The following PPARGC1A variants were observed in gnomAD, a reference collection of about 807,000 sequenced individuals.
PPARGC1A encodes PPARG coactivator 1 alpha.
Under a neutral mutation model 88.7 loss-of-function variants are expected in PPARGC1A, and 25 were observed. The observed-to-expected ratio is 0.28, with a 90% confidence interval of 0.21 to 0.39. PPARGC1A has a LOEUF of 0.39. PPARGC1A is among the 10% of genes least tolerant of loss of function. PPARGC1A has a pLI of 1.00. For missense variants in PPARGC1A, 880 were observed against 968.7 expected (o/e 0.91, Z 1.22); for synonymous variants, 363 against 355.6 (o/e 1.02, Z -0.24).
the PPARGC1A span, among the ~76,000 whole-genome samples, chr4:24,140,817 A>G: frequency 6.6e-6 from 1 of 152,092 alleles, no homozygotes; most frequent in African/African-American, 2.4e-5. Context: ...CTCAGAAACA[A>G]TCGAGAGACA....
the PPARGC1A span, among the ~76,000 whole-genome samples, chr4:24,093,874 G>A: frequency 6.6e-6 from 1 of 152,180 alleles, no homozygotes; most frequent in South Asian, 2.1e-4. Context: ...GTGTGTAAAG[G>A]GGAAGTATGC....
chr4:24,470,830 C>T, the PPARGC1A span, among the ~76,000 whole-genome samples: 3 of 151,754 alleles, frequency 2.0e-5, no homozygotes, highest in Non-Finnish European at 4.4e-5. This position sits in a 1 kb window ranked among gnomAD's most constrained non-coding sequence, Gnocchi z 5.8. Flanking sequence ...ATTATTCACT[C>T]GGATGGCCGC....
the PPARGC1A span, among the ~76,000 whole-genome samples, chr4:24,262,339 A>G: frequency 6.6e-6 from 1 of 152,212 alleles, no homozygotes; most frequent in Non-Finnish European, 1.5e-5. Context: ...GCCCTGCCCA[A>G]GGAGTGGACT....
At chr4:23,935,433 T>G in the PPARGC1A span, among the ~76,000 whole-genome samples, 1 of 152,224 alleles carries the variant, frequency 6.6e-6, no homozygotes, top group Admixed American at 6.5e-5. Context: ...CACGGATTTC[T>G]GGTTCACAGG....
chr4:23,946,529 A>G, the PPARGC1A span, among the ~76,000 whole-genome samples: 1 of 149,918 alleles, frequency 6.7e-6, no homozygotes, highest in African/African-American at 2.5e-5. Context: ...AGCTCAAAGG[A>G]CAGAAAAATT....
the PPARGC1A span, among the ~76,000 whole-genome samples, chr4:24,146,285 A>G: frequency 6.6e-6 from 1 of 152,232 alleles, no homozygotes; most frequent in Non-Finnish European, 1.5e-5. Flanking sequence ...AAACCAAAGT[A>G]CAGACAGAAC....
chr4:23,814,780 T>C (rs1037989272), intron 7 of PPARGC1A, among the ~76,000 whole-genome samples, 175 bp from the exon 8 acceptor site: 1 of 152,010 alleles, frequency 6.6e-6, no homozygotes, highest in Non-Finnish European at 1.5e-5. Flanking sequence ...AACTGACTCA[T>C]CCCCTAAGCC....
chr4:23,912,938 A>G, the PPARGC1A span, among the ~76,000 whole-genome samples: 1 of 146,842 alleles, frequency 6.8e-6, no homozygotes, highest in Admixed American at 6.9e-5. Context: ...ACAGGCGCCC[A>G]CCACCACGCC....
At chr4:24,244,900 G>C in the PPARGC1A span, among the ~76,000 whole-genome samples, 1 of 152,160 alleles carries the variant, frequency 6.6e-6, no homozygotes, top group African/African-American at 2.4e-5. Flanking sequence ...ATATTGAAAA[G>C]GGGAACAGCT....
At chr4:24,272,752 A>G in the PPARGC1A span, among the ~76,000 whole-genome samples, 2 of 152,208 alleles carry the variant, frequency 1.3e-5, no homozygotes, top group Admixed American at 1.3e-4. Context: ...GGAACAGACC[A>G]GACTGCTAAT....
At chr4:24,299,791 C>A in the PPARGC1A span, among the ~76,000 whole-genome samples, 33 of 152,202 alleles carry the variant, frequency 2.2e-4, no homozygotes, top group South Asian at 1.7e-3. Flanking sequence ...TCAGAAAAGA[C>A]CCATCTCAAA....
At chr4:24,301,437 C>A in the PPARGC1A span, among the ~76,000 whole-genome samples, 17,607 of 151,888 alleles carry the variant, frequency 0.12, 1,629 homozygotes, top group African/African-American at 0.25. Flanking sequence ...AAATTACTGA[C>A]ATAATTTTAT....
At chr4:24,238,561 G>A in the PPARGC1A span, among the ~76,000 whole-genome samples, 2 of 152,146 alleles carry the variant, frequency 1.3e-5, no homozygotes, top group African/African-American at 2.4e-5. Context: ...GATCTCAACA[G>A]CATTGCAGCA....
chr4:23,802,131 C>T (rs1381017288), intron 11 of PPARGC1A, 93 bp downstream of exon 11: 1 of 1,546,912 alleles, frequency 6.5e-7, no homozygotes, highest in East Asian at 2.3e-5. Flanking sequence ...TGTCAAAGCA[C>T]TTACATTGGC....
rs185352149 is a variant in PPARGC1A, at chr4:23,885,692, G to A, written c.55-761C>T. ...TGTTTGCACACGTATGTGTGTGTAC[G>A]GTTGGAATCACCTAGTACCTGGAAA... On this transcript the variant is annotated intron_variant, in intron 1 of 12. Coordinates refer to ENST00000264867, the MANE Select transcript of PPARGC1A (RefSeq NM_013261.5). Among the ~76,000 whole-genome samples, 20 of 152,008 alleles carry A rather than the reference G, an allele frequency of 1.3e-4. No homozygotes were observed. In the East Asian group the frequency reaches 1.7e-3, roughly 13 times the overall value.
At chr4:24,121,662 G>C in the PPARGC1A span, among the ~76,000 whole-genome samples, 1 of 152,110 alleles carries the variant, frequency 6.6e-6, no homozygotes, top group Non-Finnish European at 1.5e-5. Flanking sequence ...CCCATACACA[G>C]CTATATATTT....
At chr4:24,119,952 C>T in the PPARGC1A span, among the ~76,000 whole-genome samples, 1 of 151,878 alleles carries the variant, frequency 6.6e-6, no homozygotes, top group East Asian at 1.9e-4. Flanking sequence ...TACAAATATC[C>T]CTGGGAGAGA....
chr4:24,057,989 T>C, the PPARGC1A span, among the ~76,000 whole-genome samples: 4 of 152,060 alleles, frequency 2.6e-5, no homozygotes, highest in East Asian at 1.9e-4. Flanking sequence ...AAGCGAGTGA[T>C]TGATTGGAGA....
chr4:24,179,572 T>A, the PPARGC1A span, among the ~76,000 whole-genome samples: 2 of 152,148 alleles, frequency 1.3e-5, no homozygotes, highest in South Asian at 4.1e-4. Context: ...TCAGCTACCC[T>A]CTTTAGCCCA....
Sources: gnomAD v4.1 joint callset for allele counts (sites outside exome capture counted in the v4.1 genomes callset) on GRCh38, gnomAD v4.1.1 for gene constraint, Gnocchi (gnomAD v3.1) non-coding constraint, MANE v1.5 for transcripts, NCBI Gene and HGNC (gene_info 2026-07-23, HGNC 2026-07-21) for gene names.